Variants in CREBRF observed in about 807,000 individuals in gnomAD.
CREBRF encodes CREB3 regulatory factor, also known as UPF0474 protein C5orf41.
Under a neutral mutation model 66.1 loss-of-function variants are expected in CREBRF, and 5 were observed. The observed-to-expected ratio is 0.08, with a 90% CI of 0.04 to 0.16. The LOEUF is 0.16. Ranked by LOEUF, CREBRF falls within the 10% of genes least tolerant of loss-of-function variation. CREBRF has a pLI of 1.00. For synonymous variants in CREBRF, 229 were observed against 264.4 expected, an observed-to-expected ratio of 0.87 and a Z score of 1.30; for missense variants, 531 against 744.9, an observed-to-expected ratio of 0.71 and a Z score of 3.34.
In CREBRF at chr5:173,096,500, G is replaced by T. The variant is rs1244363725; in HGVS notation, c.1222+5099G>T. Among the ~76,000 whole-genome samples, 3 of 92,634 alleles carry T rather than the reference G, an allele frequency of 3.2e-5. No individual in the cohort carries two copies. In the Admixed American group the frequency reaches 4.6e-4, roughly 14 times the overall value. 60.8% of individuals were successfully genotyped at this position (92,634 alleles called of 152,430 possible). On this transcript the variant is annotated intron_variant, in intron 4 of 8. Transcript: ENST00000296953. ...CCTTTCTGTGTCCAGTCCCTCCCCT[G>T]CCCTCCTCTCCCCTCTTGCCCCTTC...
intron 7 of CREBRF, among the ~76,000 whole-genome samples, chr5:173,118,029 A>T (rs1309848869): frequency 6.6e-6 from 1 of 151,922 alleles, no homozygotes; most frequent in African/African-American, 2.4e-5. Context: ...GTCTGCCACC[A>T]CGCCCAGCTA....
rs1271546391 is a variant in CREBRF at position 173,129,686 on chromosome 5, T to C, written c.1805-3944T>C. 6.1e-5 allele frequency among the ~76,000 whole-genome samples: 9 copies of C among 146,460 alleles called. No homozygotes were observed. The South Asian group carries it at 2.0e-3, about 32-fold the overall frequency. ...GCTGCAGTGAGCCAAGATCGTGCCA[T>C]TGTACTCCAGCCTGAGTGACAGACC... On this transcript the variant is annotated intron_variant, in intron 8 of 8. Transcript: ENST00000296953.
chr5:173,080,788 A>AAC lies in CREBRF; in HGVS notation c.9+5_9+6insCA, dbSNP rs779165551. On this transcript the variant is annotated splice_donor_region_variant and intron_variant, in intron 2 of 8. Coordinates refer to ENST00000296953, the MANE Select transcript of CREBRF (RefSeq NM_153607.3). ...TCTGGGCTTGGAAATGCCTCAGGTA[A>AAC]ATCATACAGAGTAGGTGCAAAGTTT... 1.9e-6 allele frequency: 3 copies of AAC among 1,613,506 alleles called. No homozygotes were observed. Among genetic ancestry groups the AAC allele is most frequent in the Non-Finnish European group, 2.5e-6 (3 of 1,179,636 alleles).
chr5:173,116,683 G>A (rs1274024205), intron 7 of CREBRF, among the ~76,000 whole-genome samples: 1 of 151,200 alleles, frequency 6.6e-6, no homozygotes, highest in East Asian at 1.9e-4. Context: ...ACGGGGCTAT[G>A]AGTATTTGTG....
At chr5:173,077,026 C>T (rs932882462) in intron 1 of CREBRF, among the ~76,000 whole-genome samples, 3 of 151,866 alleles carry the variant, frequency 2.0e-5, no homozygotes, top group Admixed American at 6.6e-5. Context: ...TCACTATAAC[C>T]TCTGCCTCCC....
Position 173,090,861 on chromosome 5 carries a change from C to G in CREBRF, c.682C>G (p.His228Asp), listed in dbSNP as rs756113048. The change falls in exon 4 of 9, where the codon CAT becomes GAT. Residue 228 changes from histidine to aspartate, a missense_variant. Physicochemically the swap from His to Asp is moderately conservative, Grantham distance 81 (BLOSUM62 -1). Coordinates refer to ENST00000296953, the MANE Select transcript of CREBRF (RefSeq NM_153607.3). This position sits in a 1 kb window ranked among gnomAD's most constrained non-coding sequence, Gnocchi z 4.5. ...GTATCATAATGAAAAGGTGAACTTT[C>G]ATGTTGAATGTAAAGACTATGTAAA... ...NMYHNEKVNF[H>D]VECKDYVKKA... 6 of 1,614,096 alleles carry G rather than the reference C, an allele frequency of 3.7e-6. No homozygotes were observed. The South Asian group carries it at 6.6e-5, about 18-fold the overall frequency.
intron 4 of CREBRF, among the ~76,000 whole-genome samples, chr5:173,096,228 C>G (rs1758473245): frequency 6.6e-6 from 1 of 152,204 alleles, no homozygotes; most frequent in Admixed American, 6.5e-5. Flanking sequence ...CTTGGCCTCT[C>G]AAAGTGCTGG....
At chr5:173,101,911 C>T (rs1758638638) in intron 4 of CREBRF, among the ~76,000 whole-genome samples, 2 of 152,158 alleles carry the variant, frequency 1.3e-5, no homozygotes, top group African/African-American at 4.8e-5. Flanking sequence ...TTCACTATTC[C>T]TATAATGTGC....
intron 1 of CREBRF, among the ~76,000 whole-genome samples, chr5:173,059,085 A>G (rs1008956205): frequency 1.3e-5 from 2 of 151,846 alleles, no homozygotes; most frequent in African/African-American, 4.8e-5. Context: ...GGTGTGAGCT[A>G]CTGCGCCCGG....
intron 3 of CREBRF, among the ~76,000 whole-genome samples, chr5:173,087,447 C>G (rs1758188501): frequency 6.6e-6 from 1 of 152,018 alleles, no homozygotes; most frequent in Non-Finnish European, 1.5e-5. Flanking sequence ...CCTGTAATCC[C>G]AGCACTTTGG....
intron 2 of CREBRF, chr5:173,085,552 G>T (rs1758122086): frequency 1.8e-6 from 1 of 553,692 alleles, no homozygotes; most frequent in Non-Finnish European, 3.2e-6. Context: ...GAGTAGCTGG[G>T]ATTACAGGTG....
chr5:173,113,233 A>G (rs976303782), intron 7 of CREBRF, among the ~76,000 whole-genome samples: 1 of 151,950 alleles, frequency 6.6e-6, no homozygotes, highest in Non-Finnish European at 1.5e-5. Context: ...GGGCTCAAGC[A>G]ATCTGCCCAC....
rs1314337846 is a variant in CREBRF, at chr5:173,075,527, A to G, written c.-191-5058A>G. On this transcript the variant is annotated intron_variant, in intron 1 of 8. Coordinates refer to ENST00000296953, the MANE Select transcript of CREBRF (RefSeq NM_153607.3). ...TAGAGTAGTTTTCAAAAGGAAAGGAAAGGAATTGTTGAGTGGGACCTATGA... is the reference window on the plus strand; with the variant it reads ...TAGAGTAGTTTTCAAAAGGAAAGGAGAGGAATTGTTGAGTGGGACCTATGA... Among the ~76,000 whole-genome samples, 4 of 152,188 alleles carry G rather than the reference A, an allele frequency of 2.6e-5. No individual in the cohort carries two copies. The East Asian group carries it at 5.8e-4, about 22-fold the overall frequency.
intron 4 of CREBRF, among the ~76,000 whole-genome samples, chr5:173,107,415 C>T (rs1203953307): frequency 6.6e-6 from 1 of 152,146 alleles, no homozygotes; most frequent in African/African-American, 2.4e-5. Context: ...TCATTCAATA[C>T]TGGGTCTGAC....
intron 1 of CREBRF, chr5:173,057,299 G>A (rs1757097059): frequency 6.6e-6 from 1 of 152,480 alleles, no homozygotes; most frequent in Admixed American, 6.5e-5. Context: ...GGGCAGCCAT[G>A]TTAGATGGGA....
intron 8 of CREBRF, among the ~76,000 whole-genome samples, chr5:173,126,664 A>C (rs1288340044): frequency 2.6e-5 from 4 of 152,178 alleles, no homozygotes. Context: ...TATTCGCTAT[A>C]TGGAAATTTT....
intron 1 of CREBRF, among the ~76,000 whole-genome samples, chr5:173,069,914 T>C (rs1382751065): frequency 5.3e-5 from 8 of 152,008 alleles, no homozygotes; most frequent in African/African-American, 1.4e-4. Flanking sequence ...ACAATTTTTT[T>C]TTTTTTTGAG....
intron 4 of CREBRF, among the ~76,000 whole-genome samples, chr5:173,108,223 A>G (rs1397831395): frequency 6.6e-6 from 1 of 152,162 alleles, no homozygotes; most frequent in Admixed American, 6.5e-5. Context: ...TTCAGATACA[A>G]ATATTAGAAG....
chr5:173,088,977 G>A (rs1173363430), intron 3 of CREBRF, among the ~76,000 whole-genome samples: 1 of 151,908 alleles, frequency 6.6e-6, no homozygotes, highest in Non-Finnish European at 1.5e-5. Context: ...AGGAGTTCAA[G>A]ACCAGCCTGA....
Sources: gnomAD v4.1 joint callset for allele counts (sites outside exome capture counted in the v4.1 genomes callset) on GRCh38, gnomAD v4.1.1 for gene constraint, Gnocchi (gnomAD v3.1) non-coding constraint, MANE v1.5 for transcripts, NCBI Gene and HGNC (gene_info 2026-07-23, HGNC 2026-07-21) for gene names.